STPG2: variants seen among roughly 807,000 people sequenced by gnomAD.
The protein encoded by STPG2 is sperm-tail PG-rich repeat-containing protein 2.
STPG2 carries 56 observed loss-of-function variants against 54.2 expected under a neutral mutation model. That is an observed-to-expected ratio of 1.03 (90% CI 0.83 to 1.29). STPG2 has a LOEUF of 1.29. Among genes scored for constraint, STPG2 ranks in the 50% most tolerant of loss-of-function variants. The pLI is 0.00. For synonymous variants in STPG2, 200 were observed against 181.8 expected (o/e 1.10, Z -0.81); for missense variants, 596 against 544.9 (o/e 1.09, Z -0.93).
intron 5 of STPG2, among the ~76,000 whole-genome samples, chr4:98,068,897 A>C (rs1737916921): frequency 1.3e-5 from 2 of 152,052 alleles, no homozygotes; most frequent in African/African-American, 4.8e-5. Flanking sequence ...TGTGTATCTG[A>C]ACATACCTAA....
chr4:97,750,476 G>A (rs1305570869), intron 9 of STPG2, among the ~76,000 whole-genome samples: 1 of 151,776 alleles, frequency 6.6e-6, no homozygotes, highest in Non-Finnish European at 1.5e-5. Flanking sequence ...GAATAAAAAT[G>A]GGAAAGAGAA....
At chr4:97,994,691 T>C (rs544198485) in intron 5 of STPG2, among the ~76,000 whole-genome samples, 1 of 152,232 alleles carries the variant, frequency 6.6e-6, no homozygotes, top group East Asian at 1.9e-4. Context: ...GCACCTACTC[T>C]GGTGGAGGTA....
intron 4 of STPG2, among the ~76,000 whole-genome samples, chr4:97,458,831 C>T (rs777063561): frequency 6.6e-6 from 1 of 151,784 alleles, no homozygotes; most frequent in African/African-American, 2.4e-5. Context: ...CCCTGAAAGA[C>T]AAAGAAAGAC....
intron 10 of STPG2, 42 bp from the exon 11 acceptor site, chr4:97,559,159 T>G (rs777836873): frequency 1.2e-5 from 16 of 1,290,292 alleles, no homozygotes; most frequent in Non-Finnish European, 1.7e-5. Context: ...AAACATCTAC[T>G]TACAAAAAGA....
chr4:97,788,954 G>A (rs1726910246), intron 9 of STPG2, among the ~76,000 whole-genome samples: 1 of 151,802 alleles, frequency 6.6e-6, no homozygotes, highest in African/African-American at 2.4e-5. Flanking sequence ...AAAATAATTA[G>A]TCTTTCATTT....
intron 8 of STPG2, among the ~76,000 whole-genome samples, chr4:97,850,148 A>C (rs1284865174): frequency 6.6e-6 from 1 of 150,514 alleles, no homozygotes; most frequent in East Asian, 2.0e-4. Flanking sequence ...GGAAACCATC[A>C]TTCTCAGTAA....
At chr4:98,042,047 G>A (rs763637093) in intron 5 of STPG2, among the ~76,000 whole-genome samples, 2 of 151,626 alleles carry the variant, frequency 1.3e-5, no homozygotes, top group African/African-American at 2.4e-5. Flanking sequence ...CTGTTTCTTC[G>A]TGGTTCAATC....
intron 8 of STPG2, among the ~76,000 whole-genome samples, chr4:97,907,345 C>T (rs1328189182): frequency 6.6e-5 from 10 of 152,060 alleles, no homozygotes; most frequent in Non-Finnish European, 1.5e-4. Flanking sequence ...GAACTACAAA[C>T]CACTGCTCAA....
chr4:97,518,328 C>T (rs2148845551), intron 4 of STPG2, among the ~76,000 whole-genome samples: 1 of 152,132 alleles, frequency 6.6e-6, no homozygotes, highest in Middle Eastern at 3.4e-3. Context: ...AAACTATCTG[C>T]TGAGAACCTC....
intron 5 of STPG2, among the ~76,000 whole-genome samples, chr4:97,988,919 T>G (rs1303321959): frequency 6.6e-6 from 1 of 152,240 alleles, no homozygotes. Context: ...TGGCCAGCCA[T>G]TTCTAATTAT....
At chr4:97,908,272 C>T (rs906055371) in intron 8 of STPG2, among the ~76,000 whole-genome samples, 2 of 152,016 alleles carry the variant, frequency 1.3e-5, no homozygotes, top group Non-Finnish European at 2.9e-5. Flanking sequence ...AAATGCTCAC[C>T]ATCACTGGCC....
intron 10 of STPG2, among the ~76,000 whole-genome samples, chr4:97,569,944 T>C (rs1323985488): frequency 6.6e-6 from 1 of 152,128 alleles, no homozygotes; most frequent in Non-Finnish European, 1.5e-5. Flanking sequence ...TGCCTCCATA[T>C]GTAATATATC....
chr4:97,698,543 G>A (rs1723660453), intron 10 of STPG2, among the ~76,000 whole-genome samples: 1 of 152,092 alleles, frequency 6.6e-6, no homozygotes, highest in Non-Finnish European at 1.5e-5. Context: ...AAGACCTCTA[G>A]GCTAGCAAAA....
At chr4:97,877,237 C>T (rs1730210348) in intron 8 of STPG2, among the ~76,000 whole-genome samples, 2 of 152,124 alleles carry the variant, frequency 1.3e-5, no homozygotes, top group South Asian at 4.1e-4. Flanking sequence ...CCCTTTTCCC[C>T]TAGCTTCTGG....
At chr4:97,987,125 T>C in intron 5 of STPG2, among the ~76,000 whole-genome samples, 1 of 152,122 alleles carries the variant, frequency 6.6e-6, no homozygotes, top group Middle Eastern at 3.2e-3. Context: ...ACCAAAGCAC[T>C]TCATTAAAAG....
At chr4:97,862,832 G>C (rs1336285254) in intron 8 of STPG2, among the ~76,000 whole-genome samples, 1 of 152,152 alleles carries the variant, frequency 6.6e-6, no homozygotes, top group Non-Finnish European at 1.5e-5. Context: ...TGAACAACCT[G>C]CTCCTGAATG....
At chr4:98,133,548 C>T (rs1740057509) in intron 2 of STPG2, among the ~76,000 whole-genome samples, 2 of 151,878 alleles carry the variant, frequency 1.3e-5, no homozygotes, top group African/African-American at 4.8e-5. Context: ...ATCAGAATTT[C>T]TATGTTTAAA....
At chr4:97,858,661 A>C (rs192129345) in intron 8 of STPG2, among the ~76,000 whole-genome samples, 92 of 152,208 alleles carry the variant, frequency 6.0e-4, no homozygotes, top group African/African-American at 2.1e-3. Flanking sequence ...TTTGGTTTCC[A>C]TTCCTCAGTT....
At chr4:97,871,102 A>T (rs1403931218) in intron 8 of STPG2, among the ~76,000 whole-genome samples, 3 of 151,124 alleles carry the variant, frequency 2.0e-5, no homozygotes, top group African/African-American at 7.2e-5. Flanking sequence ...AAATTATAGA[A>T]TTTCTGAAAA....
Sources: allele counts gnomAD v4.1 joint callset (sites outside exome capture counted in the v4.1 genomes callset), GRCh38; gene constraint gnomAD v4.1.1; transcripts MANE v1.5; gene names NCBI Gene and HGNC (gene_info 2026-07-23, HGNC 2026-07-21).